Variants in YEATS2 observed in about 807,000 individuals in gnomAD.
The protein encoded by YEATS2 is YEATS domain containing 2.
Under a neutral mutation model 163.2 loss-of-function variants are expected in YEATS2, and 77 were observed. The ratio of observed to expected loss-of-function variants is 0.47; its 90% CI spans 0.39 to 0.57. The LOEUF (loss-of-function observed/expected upper bound fraction) is 0.57. YEATS2 is among the 20% of genes least tolerant of loss of function. YEATS2 has a pLI of 0.00. For missense variants in YEATS2, 1,549 were observed against 1,729.8 expected (o/e 0.90, Z 1.85); for synonymous variants, 631 against 645.1 (o/e 0.98, Z 0.33).
intron 18 of YEATS2, 91 bp from the exon 19 acceptor site, chr3:183,777,451 A>G: frequency 1.5e-6 from 2 of 1,348,368 alleles, no homozygotes; most frequent in Non-Finnish European, 2.0e-6. Context: ...AGCTTGTAAC[A>G]TGGGACGTTA....
chr3:183,709,337 G>C (rs974214542), intron 1 of YEATS2, among the ~76,000 whole-genome samples: 1 of 152,140 alleles, frequency 6.6e-6, no homozygotes, highest in East Asian at 1.9e-4. Context: ...TAAATTGAAA[G>C]CATTTACTCT....
At chr3:183,786,766 TACTC>T (rs769248869) in intron 20 of YEATS2, among the ~76,000 whole-genome samples, 3 of 152,324 alleles carry the variant, frequency 2.0e-5, no homozygotes, top group Non-Finnish European at 1.5e-5. Flanking sequence ...GGCTGGATAA[TACTC>T]AGTTTGATGG....
chr3:183,734,000 G>A (rs561387448), intron 7 of YEATS2, among the ~76,000 whole-genome samples: 2 of 152,258 alleles, frequency 1.3e-5, no homozygotes, highest in African/African-American at 2.4e-5. Flanking sequence ...GGGCCAGCTC[G>A]CCAGAGGAAT....
At position 183,721,982 on chromosome 3, in the gene YEATS2, A is replaced by G; in HGVS notation, c.383A>G (p.Gln128Arg). ...TCTAGGTCATCATCTCCTGCCAATCAGAGAGCAGAAACACCATCAGCCAAT... is the reference window on the plus strand; with the variant it reads ...TCTAGGTCATCATCTCCTGCCAATCGGAGAGCAGAAACACCATCAGCCAAT... ...SPSRSSSPAN[Q>R]RAETPSANHS... Residue 128 changes from glutamine to arginine, a missense_variant, in exon 5 of 31, where the codon CAG becomes CGG. Coordinates refer to ENST00000305135, the MANE Select transcript of YEATS2 (RefSeq NM_018023.5). 6.2e-7 allele frequency: 1 copy of G among 1,614,200 alleles called. No individual in the cohort carries two copies. The highest frequency in any genetic ancestry group is 8.5e-7 in the Non-Finnish European group (1 of 1,180,032).
At chr3:183,699,520 G>A (rs535985621) in intron 1 of YEATS2, among the ~76,000 whole-genome samples, 7 of 151,512 alleles carry the variant, frequency 4.6e-5, no homozygotes, top group Non-Finnish European at 1.0e-4. Context: ...ACCAGCCTTG[G>A]CTACAAGGCA....
chr3:183,777,858 T>C (rs1232856055), intron 19 of YEATS2, among the ~76,000 whole-genome samples, 158 bp downstream of exon 19: 3 of 152,030 alleles, frequency 2.0e-5, no homozygotes, highest in Non-Finnish European at 4.4e-5. Context: ...ATCCCAGCAC[T>C]TTGGGAAGCC....
intron 1 of YEATS2, 64 bp from the exon 2 acceptor site, chr3:183,715,080 T>C (rs1715696528): frequency 4.3e-6 from 4 of 922,756 alleles, no homozygotes; most frequent in Non-Finnish European, 6.9e-6. Context: ...TGGTATGCAG[T>C]GTTACTACAA....
At position 183,790,906 on chromosome 3, in the gene YEATS2, C is replaced by T. The variant is rs1178112505; in HGVS notation, c.3023C>T (p.Ala1008Val). ...SQATVGTCKA[A>V]TPTVVSATSL... is the part of the protein sequence containing the mutation. ...GCCACCGTGGGAACCTGCAAGGCTGCCACCCCCACCGTCGTCAGCGCCACG... is the reference window on the plus strand; with the variant it reads ...GCCACCGTGGGAACCTGCAAGGCTGTCACCCCCACCGTCGTCAGCGCCACG... The change falls in exon 21 of 31, where the codon GCC (alanine) becomes GTC (valine). Residue 1008 changes from alanine (A) to valine (V), a missense_variant. Coordinates refer to ENST00000305135, the MANE Select transcript of YEATS2 (RefSeq NM_018023.5). 6.2e-7 allele frequency: 1 copy of T among 1,614,160 alleles called. No individual in the cohort carries two copies. Among genetic ancestry groups the T allele is most frequent in the South Asian group, 1.1e-5 (1 of 91,080 alleles).
intron 11 of YEATS2, among the ~76,000 whole-genome samples, chr3:183,755,029 A>T (rs557821003): frequency 6.6e-6 from 1 of 152,200 alleles, no homozygotes; most frequent in African/African-American, 2.4e-5. Context: ...AAGGGGGGAA[A>T]AAAAGAATGT....
At chr3:183,743,070 C>T (rs1719144918) in intron 8 of YEATS2, among the ~76,000 whole-genome samples, 1 of 152,172 alleles carries the variant, frequency 6.6e-6, no homozygotes, top group African/African-American at 2.4e-5. Context: ...TTTTTATAAG[C>T]ACTGGGAAAC....
intron 8 of YEATS2, among the ~76,000 whole-genome samples, chr3:183,742,209 T>A (rs1000144560): frequency 6.6e-6 from 1 of 151,854 alleles, no homozygotes; most frequent in Non-Finnish European, 1.5e-5. Flanking sequence ...GCAAGCCCCA[T>A]GTCAAAAAAT....
At chr3:183,741,298 C>T (rs1159392771) in intron 8 of YEATS2, among the ~76,000 whole-genome samples, 2 of 151,778 alleles carry the variant, frequency 1.3e-5, no homozygotes, top group Non-Finnish European at 2.9e-5. Flanking sequence ...ATCCTAGGGC[C>T]CTTAATAATG....
At chr3:183,789,839 GC>G (rs1724438255) in intron 20 of YEATS2, among the ~76,000 whole-genome samples, 3 of 151,756 alleles carry the variant, frequency 2.0e-5, no homozygotes, top group Admixed American at 2.0e-4. Flanking sequence ...GCACCTGGCC[GC>G]TCTAGTTAAT....
At chr3:183,747,527 GTGA>G (rs1442059745) in intron 8 of YEATS2, 142 bp from the exon 9 acceptor site, 17 of 393,778 alleles carry the variant, frequency 4.3e-5, no homozygotes, top group Non-Finnish European at 6.2e-5. Flanking sequence ...TTTTATTGAA[GTGA>G]TGAATTTATA....
chr3:183,745,649 G>A (rs907925520), intron 8 of YEATS2, among the ~76,000 whole-genome samples: 2 of 152,022 alleles, frequency 1.3e-5, no homozygotes, highest in Non-Finnish European at 1.5e-5. Flanking sequence ...AAATATTAGA[G>A]TTACATAAAA....
intron 24 of YEATS2, 129 bp downstream of exon 24, chr3:183,800,697 G>A (rs1267756102): frequency 2.9e-6 from 2 of 699,812 alleles, no homozygotes; most frequent in Non-Finnish European, 2.4e-6. Flanking sequence ...CTGTCCCCGT[G>A]CAGTGGACAA....
In YEATS2 at chr3:183,810,750, G is replaced by T. The variant is rs1399399175; in HGVS notation, c.*167G>T. The stretch of plus-strand genomic sequence containing the variant: ...CGTGTCACCAGCACGCTGCACTCCA[G>T]ATGAAATCCTCCTAGGACAGGAGTT... On this transcript the variant is annotated 3_prime_UTR_variant, in exon 31 of 31. Coordinates refer to ENST00000305135, the MANE Select transcript of YEATS2 (RefSeq NM_018023.5). 3.8e-5 allele frequency: 23 copies of T among 608,330 alleles called. No individual in the cohort carries two copies. The highest frequency in any genetic ancestry group is 6.2e-5 in the Non-Finnish European group (21 of 341,290). The allele number at this position is 608,330 out of a possible 1,614,324, so 37.7% of individuals were successfully genotyped here.
intron 1 of YEATS2, among the ~76,000 whole-genome samples, chr3:183,699,761 A>G (rs1713867704): frequency 6.6e-6 from 1 of 152,182 alleles, no homozygotes; most frequent in Non-Finnish European, 1.5e-5. Context: ...GGCATGTATC[A>G]TGGCAGCCAA....
intron 7 of YEATS2, among the ~76,000 whole-genome samples, chr3:183,729,547 C>T (rs1717492252): frequency 6.6e-6 from 1 of 152,138 alleles, no homozygotes; most frequent in Non-Finnish European, 1.5e-5. Context: ...TTAGAAGTAA[C>T]TCCCAATCAT....
Sources: allele counts gnomAD v4.1 joint callset (sites outside exome capture counted in the v4.1 genomes callset), GRCh38; gene constraint gnomAD v4.1.1; transcripts MANE v1.5; gene names NCBI Gene and HGNC (gene_info 2026-07-23, HGNC 2026-07-21).